Variants in BUB1 observed in about 807,000 individuals in gnomAD.
BUB1 encodes the protein mitotic checkpoint serine/threonine-protein kinase BUB1.
Under a neutral mutation model 135.2 loss-of-function variants are expected in BUB1, and 84 were observed. The ratio of observed to expected loss-of-function variants is 0.62; its 90% CI spans 0.52 to 0.74. The LOEUF (loss-of-function observed/expected upper bound fraction) is 0.74. BUB1 is among the 30% of genes least tolerant of loss of function. The pLI is 0.00. For synonymous variants in BUB1, 403 were observed against 434.4 expected (o/e 0.93, Z 0.90); for missense variants, 1,162 against 1,288.3 (o/e 0.90, Z 1.50).
chr2:110,662,731 G>C (rs550538456), intron 9 of BUB1, among the ~76,000 whole-genome samples: 1 of 152,288 alleles, frequency 6.6e-6, no homozygotes, highest in East Asian at 1.9e-4. Context: ...GAGCCTGGGA[G>C]GAGGAGGCTG....
At position 110,638,124 on chromosome 2, in the gene BUB1, T is replaced by C. The variant is rs1250196380; in HGVS notation, c.3098A>G (p.His1033Arg). The C allele has an allele frequency of 3.8e-6, 6 of 1,599,242 alleles. No homozygotes were observed. The highest frequency in any genetic ancestry group is 4.5e-5 in the East Asian group (2 of 44,762). The change falls in exon 25 of 25, where the codon CAT becomes CGT. Residue 1033 changes from histidine (H) to arginine (R), a missense_variant. By Grantham distance (29) the His-to-Arg change is conservative (BLOSUM62 0). Transcript: ENST00000302759. ...ACAATCTGGAATATTCAACATAACA[T>C]GAAAAAATTCATTCCACATATCCAA... ...PHLDMWNEFF[H>R]VMLNIPDCHH...
At chr2:110,674,568 C>T (rs1055644164) in intron 1 of BUB1, among the ~76,000 whole-genome samples, 1 of 152,210 alleles carries the variant, frequency 6.6e-6, no homozygotes, top group African/African-American at 2.4e-5. Flanking sequence ...AAGAAGCATT[C>T]GCTCAGACAT....
At chr2:110,643,897 G>T (rs1689569294) in intron 19 of BUB1, among the ~76,000 whole-genome samples, 2 of 151,696 alleles carry the variant, frequency 1.3e-5, no homozygotes, top group African/African-American at 4.8e-5. Flanking sequence ...GGTAATACAG[G>T]CAGAGAGAAA....
intron 9 of BUB1, among the ~76,000 whole-genome samples, chr2:110,664,910 G>C (rs1425536480): frequency 6.6e-6 from 1 of 152,176 alleles, no homozygotes; most frequent in Non-Finnish European, 1.5e-5. Flanking sequence ...TGCTTGAAAA[G>C]ATTTAGTATA....
intron 9 of BUB1, chr2:110,665,964 T>TC (rs1488761189): frequency 4.0e-6 from 1 of 247,326 alleles, no homozygotes; most frequent in African/African-American, 2.2e-5. Context: ...AGTACTATAC[T>TC]CCAATTTTCA....
At chr2:110,657,206 T>C (rs1372649319) in intron 14 of BUB1, 89 bp from the exon 15 acceptor site, 10 of 1,073,620 alleles carry the variant, frequency 9.3e-6, no homozygotes, top group Admixed American at 9.1e-5. Flanking sequence ...TCTCTACTTA[T>C]CCTATTTAAT....
intron 24 of BUB1, 92 bp downstream of exon 24, chr2:110,639,650 G>T: frequency 1.9e-6 from 2 of 1,045,802 alleles, no homozygotes; most frequent in Non-Finnish European, 2.9e-6. Flanking sequence ...TCCATGCGGT[G>T]GCAGAGATCC....
At chr2:110,640,583 C>T (rs1177435822) in intron 23 of BUB1, among the ~76,000 whole-genome samples, 1 of 152,190 alleles carries the variant, frequency 6.6e-6, no homozygotes, top group Non-Finnish European at 1.5e-5. Context: ...CCATCTATTA[C>T]AGTCAAACCC....
In BUB1 at chr2:110,649,244, T is replaced by C; in HGVS notation, c.2337A>G (p.Glu779=). 1 of 1,606,174 alleles carries C rather than the reference T, an allele frequency of 6.2e-7. No individual in the cohort carries two copies. The highest frequency in any genetic ancestry group is 1.1e-5 in the South Asian group (1 of 90,290). ...CKLPAIKPKT[E]FQLGSKLVYV... is the part of the protein sequence containing the mutation. Reference sequence around the variant, plus strand: ...CCAAATAATTCTTACCCAATTGAAATTCAGTCTTGGGCTTGATGGCTGGAA... The same window carrying C: ...CCAAATAATTCTTACCCAATTGAAACTCAGTCTTGGGCTTGATGGCTGGAA... The change falls in exon 19 of 25, where the codon GAA becomes GAG. Residue 779 remains glutamate, a synonymous_variant. Coordinates refer to ENST00000302759, the MANE Select transcript of BUB1 (RefSeq NM_004336.5).
At chr2:110,639,580 T>C (rs1219831949) in intron 24 of BUB1, among the ~76,000 whole-genome samples, 162 bp downstream of exon 24, 1 of 151,836 alleles carries the variant, frequency 6.6e-6, no homozygotes, top group African/African-American at 2.4e-5. Context: ...CTATGCAGCT[T>C]GCTCCCTGTG....
intron 11 of BUB1, 143 bp downstream of exon 11, chr2:110,659,833 TAA>T (rs1690031694): frequency 2.1e-6 from 1 of 483,192 alleles, no homozygotes; most frequent in Non-Finnish European, 3.6e-6. Context: ...GGTTCAGGGA[TAA>T]ATAACCTATA....
rs1383706954 is a variant in BUB1, at chr2:110,648,854, G to C, written c.2347+380C>G. On this transcript the variant is annotated intron_variant, in intron 19 of 24. Coordinates refer to ENST00000302759, the MANE Select transcript of BUB1 (RefSeq NM_004336.5). The surrounding 1 kb of genome is among the most constrained non-coding windows in gnomAD (Gnocchi z 4.2). ...TTTTAACAGTATGGTATGTTTTGGA[G>C]CTCATTCCCTATCAGTACAGAGTGA... 6.5e-6 allele frequency: 1 copy of C among 153,734 alleles called. No homozygotes were observed. Among genetic ancestry groups the C allele is most frequent in the African/African-American group, 2.4e-5 (1 of 41,482 alleles). The allele number at this position is 153,734 out of a possible 1,614,324, so 9.5% of individuals were successfully genotyped here.
At position 110,641,634 on chromosome 2, in the gene BUB1, ATACT is replaced by A. The variant is rs2104514914; in HGVS notation, c.2625+4_2625+7del. ...ATTCATGTGCTCATCATAAAAATGA[ATACT>A]TACTAATAATGTTCCATAGCTGTAG... On this transcript the variant is annotated splice_donor_5th_base_variant and intron_variant, in intron 21 of 24. Coordinates refer to ENST00000302759, the MANE Select transcript of BUB1 (RefSeq NM_004336.5). The A allele has an allele frequency of 6.2e-7, 1 of 1,608,348 alleles. No homozygotes were observed. The highest frequency in any genetic ancestry group is 2.2e-5 in the East Asian group (1 of 44,854).
At chr2:110,657,939 G>A (rs1689976682) in intron 13 of BUB1, among the ~76,000 whole-genome samples, 1 of 152,060 alleles carries the variant, frequency 6.6e-6, no homozygotes, top group Admixed American at 6.5e-5. Context: ...ACGCTCTCAG[G>A]GTTTCGTTTT....
rs1690074694 is a variant in BUB1 at position 110,661,255 on chromosome 2, T to TA, written c.1217+326dup. 1.1e-5 allele frequency: 3 copies of TA among 284,228 alleles called. No individual in the cohort carries two copies. The East Asian group carries it at 2.6e-4, about 24-fold the overall frequency. 17.6% of individuals were successfully genotyped at this position (284,228 alleles called of 1,614,324 possible). The stretch of plus-strand genomic sequence containing the variant: ...TCTAGACAGTTATGATCCCTGTAGG[T>TA]ATTCAATCAAAGCCAGTGAGCAAAG... On this transcript the variant is annotated intron_variant, in intron 10 of 24. Transcript: ENST00000302759.
At position 110,660,031 on chromosome 2, in the gene BUB1, A is replaced by G. The variant is rs771087243; in HGVS notation, c.1223T>C (p.Val408Ala). ...FAVASKDAGC[V>A]NKSTHEFKPQ... is the part of the protein sequence containing the mutation. ...CTTGAATTCATGAGTACTCTTATTC[A>G]CACATCTGGAAGAGAAAACTCTTGA... The change falls in exon 11 of 25, where the codon GTG becomes GCG. Residue 408 changes from valine to alanine, a missense_variant. Val to Ala is a moderately conservative substitution (Grantham distance 64, BLOSUM62 0). Transcript: ENST00000302759. 36 of 1,610,898 alleles carry G rather than the reference A, an allele frequency of 2.2e-5. No homozygotes were observed. The highest frequency in any genetic ancestry group is 3.3e-5 in the Admixed American group (2 of 59,970).
At chr2:110,651,791 C>T (rs1689794155) in intron 17 of BUB1, among the ~76,000 whole-genome samples, 1 of 152,144 alleles carries the variant, frequency 6.6e-6, no homozygotes, top group Admixed American at 6.5e-5. Flanking sequence ...TCTATGTTTA[C>T]ATACACAAAT....
intron 8 of BUB1, among the ~76,000 whole-genome samples, chr2:110,666,686 A>G (rs1690265720): frequency 6.6e-6 from 1 of 152,076 alleles, no homozygotes; most frequent in African/African-American, 2.4e-5. Flanking sequence ...ATAATAGTAA[A>G]GATTTTTGTA....
chr2:110,670,466 C>T (rs754146565), intron 5 of BUB1, 59 bp downstream of exon 5: 89 of 1,583,048 alleles, frequency 5.6e-5, no homozygotes, highest in South Asian at 7.7e-5. Context: ...AAAGAAAATA[C>T]TAGTACAAAT....
Sources: allele counts gnomAD v4.1 joint callset (sites outside exome capture counted in the v4.1 genomes callset), GRCh38; gene constraint gnomAD v4.1.1; non-coding constraint Gnocchi (gnomAD v3.1); transcripts MANE v1.5; gene names NCBI Gene and HGNC (gene_info 2026-07-23, HGNC 2026-07-21).